PLCB1: variants seen among roughly 807,000 people sequenced by gnomAD.
The protein encoded by PLCB1 is phospholipase C beta 1.
In PLCB1, 46 loss-of-function variants were observed where a neutral mutation model predicts 161.8. That is an observed-to-expected ratio of 0.28 (90% confidence interval 0.22 to 0.36). The LOEUF (loss-of-function observed/expected upper bound fraction) is 0.36. PLCB1 is among the 10% of genes least tolerant of loss of function. The pLI, the probability that PLCB1 is intolerant of heterozygous loss-of-function variation, is 1.00. For missense variants in PLCB1, 1,016 were observed against 1,472.5 expected, an observed-to-expected ratio of 0.69 and a Z score of 5.07; for synonymous variants, 517 against 503.7, an observed-to-expected ratio of 1.03 and a Z score of -0.35.
intron 2 of PLCB1, among the ~76,000 whole-genome samples, chr20:8,193,405 A>T (rs932057711): frequency 6.6e-6 from 1 of 151,986 alleles, no homozygotes; most frequent in Non-Finnish European, 1.5e-5. Flanking sequence ...AAAAGAAAAA[A>T]TTTTTAAAAA....
chr20:8,750,699 AT>A (rs996588904), intron 23 of PLCB1: 34 of 414,278 alleles, frequency 8.2e-5, no homozygotes, highest in African/African-American at 4.9e-4. Context: ...CATTCAACTA[AT>A]AGAAATTTAA....
At chr20:8,292,608 C>T (rs1276225336) in intron 2 of PLCB1, among the ~76,000 whole-genome samples, 1 of 152,024 alleles carries the variant, frequency 6.6e-6, no homozygotes, top group Non-Finnish European at 1.5e-5. Context: ...CTTGAAATGT[C>T]AACTCTTCCT....
At chr20:8,738,420 A>G (rs1300508921) in intron 20 of PLCB1, among the ~76,000 whole-genome samples, 1 of 152,034 alleles carries the variant, frequency 6.6e-6, no homozygotes, top group Non-Finnish European at 1.5e-5. Flanking sequence ...TTTGATTTGC[A>G]TTTCTCTGAT....
At chr20:8,424,162 C>G (rs921408433) in intron 3 of PLCB1, among the ~76,000 whole-genome samples, 5 of 152,124 alleles carry the variant, frequency 3.3e-5, no homozygotes, top group Non-Finnish European at 7.4e-5. Context: ...CCTCCTCCCC[C>G]ACCACACACA....
intron 3 of PLCB1, among the ~76,000 whole-genome samples, chr20:8,454,399 A>T (rs978904182): frequency 6.6e-6 from 1 of 152,198 alleles, no homozygotes; most frequent in Non-Finnish European, 1.5e-5. Context: ...GTGTTTTTAA[A>T]AGATCAAACT....
intron 9 of PLCB1, among the ~76,000 whole-genome samples, chr20:8,661,233 T>A (rs985719057): frequency 1.3e-5 from 2 of 152,120 alleles, no homozygotes; most frequent in Non-Finnish European, 2.9e-5. Context: ...ATGAAATCCT[T>A]AATGTAGACT....
intron 3 of PLCB1, 76 bp from the exon 4 acceptor site, chr20:8,628,218 C>T: frequency 8.7e-7 from 1 of 1,147,822 alleles, no homozygotes; most frequent in Non-Finnish European, 1.3e-6. Context: ...CATTCTAACT[C>T]AACAGAAGTT....
Position 8,390,964 on chromosome 20 carries a change from C to T in PLCB1, c.246+19514C>T, listed in dbSNP as rs375391993. Among the ~76,000 whole-genome samples, 10 of 151,414 alleles carry T rather than the reference C, an allele frequency of 6.6e-5. No individual in the cohort carries two copies. The East Asian group carries it at 1.2e-3, about 18-fold the overall frequency. The stretch of plus-strand genomic sequence containing the variant: ...GGTAAGGACTAAATGACAAAATGCA[C>T]GTAAGGCACCTAACACAATTGTCAC... On this transcript the variant is annotated intron_variant, in intron 3 of 31. Transcript: ENST00000338037.
At chr20:8,677,329 C>G (rs999659176) in intron 9 of PLCB1, among the ~76,000 whole-genome samples, 12 of 152,106 alleles carry the variant, frequency 7.9e-5, no homozygotes, top group African/African-American at 2.9e-4. Flanking sequence ...TCACCTCCAC[C>G]TGGAGGTGGA....
At chr20:8,573,853 G>C (rs1986596609) in intron 3 of PLCB1, among the ~76,000 whole-genome samples, 1 of 152,162 alleles carries the variant, frequency 6.6e-6, no homozygotes, top group East Asian at 1.9e-4. Flanking sequence ...CAGAACAAAA[G>C]GCCAAGAATT....
At chr20:8,805,764 A>G (rs188295298) in intron 31 of PLCB1, among the ~76,000 whole-genome samples, 11 of 152,330 alleles carry the variant, frequency 7.2e-5, no homozygotes, top group Admixed American at 2.6e-4. Flanking sequence ...CTTTCTAAGT[A>G]TATGTCTGAA....
chr20:8,692,910 A>G (rs1990511804), intron 10 of PLCB1, among the ~76,000 whole-genome samples: 1 of 152,130 alleles, frequency 6.6e-6, no homozygotes, highest in Non-Finnish European at 1.5e-5. Flanking sequence ...GTCACACCAC[A>G]CATCAATGCC....
chr20:8,712,160 T>C (rs901427645), intron 12 of PLCB1, among the ~76,000 whole-genome samples: 5 of 151,944 alleles, frequency 3.3e-5, no homozygotes, highest in African/African-American at 1.2e-4. Flanking sequence ...ACAGGTGTTA[T>C]GGCGGGTGCC....
At chr20:8,678,837 A>G (rs1010858144) in intron 9 of PLCB1, among the ~76,000 whole-genome samples, 3 of 152,200 alleles carry the variant, frequency 2.0e-5, no homozygotes, top group Non-Finnish European at 2.9e-5. Context: ...TTCTTTCAGA[A>G]GAGTCCTGAA....
At chr20:8,486,332 GA>G (rs1416521810) in intron 3 of PLCB1, among the ~76,000 whole-genome samples, 1 of 152,136 alleles carries the variant, frequency 6.6e-6, no homozygotes, top group African/African-American at 2.4e-5. Context: ...AACCCGTTCA[GA>G]TGTACTAATT....
chr20:8,324,692 T>A (rs182211224), intron 2 of PLCB1, among the ~76,000 whole-genome samples: 9 of 152,340 alleles, frequency 5.9e-5, no homozygotes, highest in East Asian at 1.9e-4. Flanking sequence ...TCATTTTTTT[T>A]AAATAAAAGT....
At chr20:8,710,003 C>G (rs762649905) in intron 12 of PLCB1, among the ~76,000 whole-genome samples, 32 of 152,228 alleles carry the variant, frequency 2.1e-4, no homozygotes, top group Non-Finnish European at 4.3e-4. Context: ...AATTTCTCAT[C>G]TCTGTCAATT....
chr20:8,371,006 T>C (rs181319156), intron 2 of PLCB1: 1 of 176,674 alleles, frequency 5.7e-6, no homozygotes, highest in Non-Finnish European at 1.2e-5. Context: ...TCCCACTCCG[T>C]CCTCCTCCCT....
intron 27 of PLCB1, among the ~76,000 whole-genome samples, chr20:8,786,154 T>C (rs1983472045): frequency 6.6e-6 from 1 of 152,102 alleles, no homozygotes; most frequent in African/African-American, 2.4e-5. Flanking sequence ...TCTCTGTAAC[T>C]CCTTCAAGTG....
Sources: allele counts gnomAD v4.1 joint callset (sites outside exome capture counted in the v4.1 genomes callset), GRCh38; gene constraint gnomAD v4.1.1; transcripts MANE v1.5; gene names NCBI Gene and HGNC (gene_info 2026-07-23, HGNC 2026-07-21).